Variants in POU2F1 observed in about 807,000 individuals in gnomAD.
POU2F1 encodes POU domain, class 2, transcription factor 1.
POU2F1 carries 16 observed loss-of-function variants against 84.9 expected under a neutral mutation model. The ratio of observed to expected loss-of-function variants is 0.19; its 90% CI spans 0.13 to 0.29. The LOEUF (loss-of-function observed/expected upper bound fraction) is 0.29. Ranked by LOEUF, POU2F1 falls within the 10% of genes least tolerant of loss-of-function variation. POU2F1 has a pLI of 1.00. For synonymous variants in POU2F1, 368 were observed against 368.3 expected (o/e 1.00, Z 0.01); for missense variants, 738 against 942.6 (o/e 0.78, Z 2.84).
intron 2 of POU2F1, among the ~76,000 whole-genome samples, chr1:167,363,655 A>G (rs952682533): frequency 7.2e-5 from 11 of 152,232 alleles, no homozygotes; most frequent in Admixed American, 3.3e-4. Flanking sequence ...TGACACAAGC[A>G]TGCATTCTTA....
At position 167,411,942 on chromosome 1, in the gene POU2F1, T is replaced by A. The variant is rs748199494; in HGVS notation, c.1556-17T>A. ...CCATTTACAAAAGGTCATCTTCTAA[T>A]CTGTTTGTCTTTTCAGGCACTTCAG... On this transcript the variant is annotated splice_polypyrimidine_tract_variant and intron_variant, in intron 13 of 15. Transcript: ENST00000367866. The A allele has an allele frequency of 1.3e-5, 21 of 1,597,996 alleles. No individual in the cohort carries two copies. The highest frequency in any genetic ancestry group is 1.7e-5 in the Non-Finnish European group (20 of 1,169,716).
In POU2F1 at chr1:167,274,211, T is replaced by C. The variant is rs1181581350; in HGVS notation, c.61+53253T>C. On this transcript the variant is annotated intron_variant, in intron 1 of 15. Coordinates refer to ENST00000367866, the MANE Select transcript of POU2F1 (RefSeq NM_002697.4). ...TTTTATTAGTTACGTACCCCTCCTT[T>C]CCCTTAATTATTAAAGCTCTAATCT... Among the ~76,000 whole-genome samples the C allele has an allele frequency of 1.3e-5, 2 of 152,196 alleles. 1 individual carries two copies. Among genetic ancestry groups the C allele is most frequent in the Non-Finnish European group, 2.9e-5 (2 of 68,020 alleles).
intron 5 of POU2F1, 86 bp from the exon 6 acceptor site, chr1:167,374,022 T>C: frequency 7.7e-7 from 1 of 1,299,860 alleles, no homozygotes; most frequent in African/African-American, 1.5e-5. Context: ...TGATATCATT[T>C]GAGTTACCTA....
chr1:167,234,170 T>G (rs1289748583), intron 1 of POU2F1, among the ~76,000 whole-genome samples: 1 of 152,238 alleles, frequency 6.6e-6, no homozygotes, highest in African/African-American at 2.4e-5. Flanking sequence ...TTTCCACTGT[T>G]AAGATCTATA....
At chr1:167,393,925 A>G (rs776940845) in intron 9 of POU2F1, among the ~76,000 whole-genome samples, 1 of 152,254 alleles carries the variant, frequency 6.6e-6, no homozygotes, top group African/African-American at 2.4e-5. Flanking sequence ...TACACAATGC[A>G]TAAGTTCAAT....
At position 167,306,622 on chromosome 1, in the gene POU2F1, C is replaced by T. The variant is rs138276853; in HGVS notation, c.62-25848C>T. 3.9e-3 allele frequency among the ~76,000 whole-genome samples: 601 copies of T among 152,212 alleles called. 3 individuals are homozygous for T. The highest frequency in any genetic ancestry group is 0.013 in the African/African-American group (554 of 41,522). On this transcript the variant is annotated intron_variant, in intron 1 of 15. Coordinates refer to ENST00000367866, the MANE Select transcript of POU2F1 (RefSeq NM_002697.4). The stretch of plus-strand genomic sequence containing the variant: ...TAATGCCGTAACACGGTACTACAAA[C>T]AACAGAAATTTATTGTCTCTCAGTT...
At chr1:167,266,925 A>G (rs1450908445) in intron 1 of POU2F1, among the ~76,000 whole-genome samples, 1 of 152,068 alleles carries the variant, frequency 6.6e-6, no homozygotes, top group Non-Finnish European at 1.5e-5. Flanking sequence ...AAATGTTCAT[A>G]TTATTTCACT....
At chr1:167,298,736 G>C (rs1654453152) in intron 1 of POU2F1, among the ~76,000 whole-genome samples, 1 of 152,084 alleles carries the variant, frequency 6.6e-6, no homozygotes. Flanking sequence ...TATTCAGTTT[G>C]CTTGAATTCA....
chr1:167,290,848 C>T (rs1557872015), intron 1 of POU2F1, among the ~76,000 whole-genome samples: 1 of 152,058 alleles, frequency 6.6e-6, no homozygotes, highest in Non-Finnish European at 1.5e-5. Context: ...CAAAACTAGG[C>T]TAGTGAACGT....
rs1208432420 is a variant in POU2F1, at chr1:167,286,688, T to G, written c.62-45782T>G. ...ACCACAGTGACAAGGTGGAGTAAAATAAGTACATACTTATTTTGTGTAGTG... is the reference window on the plus strand; with the variant it reads ...ACCACAGTGACAAGGTGGAGTAAAAGAAGTACATACTTATTTTGTGTAGTG... On this transcript the variant is annotated intron_variant, in intron 1 of 15. Transcript: ENST00000367866. 5.3e-5 allele frequency among the ~76,000 whole-genome samples: 8 copies of G among 152,192 alleles called. No individual in the cohort carries two copies. The East Asian group carries it at 1.5e-3, about 29-fold the overall frequency.
intron 9 of POU2F1, among the ~76,000 whole-genome samples, chr1:167,390,610 C>T (rs1251616895): frequency 6.6e-6 from 1 of 151,222 alleles, no homozygotes; most frequent in African/African-American, 2.4e-5. Context: ...TGGTGGGACC[C>T]TGTCTCTCCA....
chr1:167,228,606 C>G (rs1648817832), intron 1 of POU2F1, among the ~76,000 whole-genome samples: 2 of 152,164 alleles, frequency 1.3e-5, no homozygotes, highest in Non-Finnish European at 2.9e-5. Context: ...CTTTTCAAAT[C>G]AAACTACAGT....
chr1:167,317,445 T>A (rs772657850), intron 1 of POU2F1, among the ~76,000 whole-genome samples: 5 of 151,914 alleles, frequency 3.3e-5, no homozygotes, highest in Non-Finnish European at 7.4e-5. Flanking sequence ...AAATATAGAG[T>A]GCAGAGTGGG....
At chr1:167,373,556 C>CT (rs1033339463) in intron 5 of POU2F1, among the ~76,000 whole-genome samples, 5 of 152,142 alleles carry the variant, frequency 3.3e-5, no homozygotes, top group Non-Finnish European at 5.9e-5. Flanking sequence ...AGACTCAGTG[C>CT]TTTCAATAAC....
intron 1 of POU2F1, among the ~76,000 whole-genome samples, chr1:167,237,251 C>T (rs370477336): frequency 1.4e-3 from 218 of 152,262 alleles, no homozygotes; most frequent in Middle Eastern, 6.8e-3. Flanking sequence ...CATACTTATG[C>T]GTGTTGGGGA....
chr1:167,399,576 G>A (rs1401669492), intron 12 of POU2F1, among the ~76,000 whole-genome samples: 6 of 152,034 alleles, frequency 3.9e-5, no homozygotes, highest in African/African-American at 7.2e-5. Flanking sequence ...TCTCTGCTGA[G>A]GTCACTGGTC....
intron 1 of POU2F1, among the ~76,000 whole-genome samples, chr1:167,257,173 C>G (rs1446003922): frequency 6.6e-6 from 1 of 152,152 alleles, no homozygotes; most frequent in Non-Finnish European, 1.5e-5. Context: ...AATCAGGTCT[C>G]ATTTTGGGCA....
intron 1 of POU2F1, among the ~76,000 whole-genome samples, chr1:167,302,180 T>C (rs1654750270): frequency 1.3e-5 from 2 of 151,840 alleles, no homozygotes; most frequent in Admixed American, 1.3e-4. Flanking sequence ...CAAGCGATTC[T>C]CCTGCCTCAG....
At chr1:167,292,436 T>G (rs1653992776) in intron 1 of POU2F1, among the ~76,000 whole-genome samples, 1 of 150,846 alleles carries the variant, frequency 6.6e-6, no homozygotes, top group South Asian at 2.1e-4. Context: ...ATTTCTGCCA[T>G]CATTAAACCC....
Sources: gnomAD v4.1 joint callset for allele counts (sites outside exome capture counted in the v4.1 genomes callset) on GRCh38, gnomAD v4.1.1 for gene constraint, MANE v1.5 for transcripts, NCBI Gene and HGNC (gene_info 2026-07-23, HGNC 2026-07-21) for gene names.